TRIM61: variants seen among roughly 807,000 people sequenced by gnomAD.
The protein encoded by TRIM61 is putative tripartite motif-containing protein 61.
Under a neutral mutation model 14.2 loss-of-function variants are expected in TRIM61, and 1 was observed. The ratio of observed to expected loss-of-function variants is 0.07; its 90% CI spans 0.03 to 0.33. TRIM61 has a LOEUF of 0.33. Ranked by LOEUF, TRIM61 falls within the 10% of genes least tolerant of loss-of-function variation. The probability of loss-of-function intolerance (pLI) is 0.99; values close to 1 mark genes in which losing one functional copy is unlikely to be tolerated. For missense variants in TRIM61, 19 were observed against 202.2 expected, an observed-to-expected ratio of 0.09 and a Z score of 5.49; for synonymous variants, 8 against 71.6, an observed-to-expected ratio of 0.11 and a Z score of 4.49.
At chr4:164,975,573 T>A (rs1349843565) in intron 2 of TRIM61, among the ~76,000 whole-genome samples, 2 of 152,220 alleles carry the variant, frequency 1.3e-5, no homozygotes, top group African/African-American at 4.8e-5. Flanking sequence ...TTAAGGGATC[T>A]AGGGCTGTGC....
At chr4:164,972,045 A>T (rs1438098469) in intron 2 of TRIM61, among the ~76,000 whole-genome samples, 2 of 152,200 alleles carry the variant, frequency 1.3e-5, no homozygotes, top group Non-Finnish European at 2.9e-5. Flanking sequence ...AGCCCTAGAA[A>T]GTCACCATTT....
At chr4:164,974,655 G>A (rs1560888423) in intron 2 of TRIM61, among the ~76,000 whole-genome samples, 1 of 151,816 alleles carries the variant, frequency 6.6e-6, no homozygotes. Flanking sequence ...CAAGCTGGGT[G>A]GATCGCTTGA....
Position 164,958,269 on chromosome 4 carries a change from G to C in TRIM61, c.526-3173C>G, listed in dbSNP as rs1301709182. 4.2e-5 allele frequency: 7 copies of C among 167,156 alleles called. 1 individual carries two copies. The South Asian group carries it at 1.5e-3, about 35-fold the overall frequency. The allele number at this position is 167,156 out of a possible 1,614,324, so 10.4% of individuals were successfully genotyped here. A position where few individuals can be genotyped will look rare whatever the true frequency, so the allele number is the denominator to read the frequency against. On this transcript the variant is annotated intron_variant, in intron 3 of 4. Transcript: ENST00000329314. ...TTTGCCAAAGTAATTACACTACATA[G>C]AGTGGCAATCGTTCTATTAAAAGTA...
At chr4:164,975,611 A>C (rs59526711) in intron 2 of TRIM61, among the ~76,000 whole-genome samples, 5,260 of 152,282 alleles carry the variant, frequency 0.035, 298 homozygotes, top group African/African-American at 0.12. Flanking sequence ...CAAAATGTTT[A>C]CAAGCAGTAT....
At chr4:164,967,469 G>C (rs1732268199) in intron 3 of TRIM61, among the ~76,000 whole-genome samples, 1 of 152,158 alleles carries the variant, frequency 6.6e-6, no homozygotes, top group South Asian at 2.1e-4. Context: ...TCTGAGACTA[G>C]AGATCAGTTC....
At chr4:164,956,329 G>C (rs764390452) in intron 3 of TRIM61, among the ~76,000 whole-genome samples, 26 of 152,208 alleles carry the variant, frequency 1.7e-4, no homozygotes, top group Non-Finnish European at 2.9e-4. Context: ...GCCTACCAAA[G>C]TGCTGGGATT....
intron 3 of TRIM61, chr4:164,957,655 A>T: frequency 1.1e-6 from 1 of 892,426 alleles, no homozygotes; most frequent in African/African-American, 1.7e-5. Flanking sequence ...AAGAGATTAA[A>T]CTCTGATTTT....
rs926000425 is a variant in TRIM61 at position 164,955,015 on chromosome 4, C to T, written c.607G>A (p.Asp203Asn). Residue 203 changes from aspartate (D) to asparagine (N), a missense_variant, in exon 4 of 5, where the codon GAT (aspartate) becomes AAT (asparagine). Asp to Asn is a conservative substitution (Grantham distance 23). Coordinates refer to ENST00000329314, the MANE Select transcript of TRIM61 (RefSeq NM_001012414.3). Reference sequence around the variant, plus strand: ...ACTCAGGAGCCAGAGGCAGAAGAATCGCTTGATCCCGGGAGGCGGAGGTTG... The same window carrying T: ...ACTCAGGAGCCAGAGGCAGAAGAATTGCTTGATCCCGGGAGGCGGAGGTTG... 1.7e-5 allele frequency: 5 copies of T among 292,838 alleles called. No individual in the cohort carries two copies. The East Asian group carries it at 7.9e-4, about 46-fold the overall frequency. The allele number at this position is 292,838 out of a possible 1,614,324, so 18.1% of individuals were successfully genotyped here.
intron 3 of TRIM61, among the ~76,000 whole-genome samples, chr4:164,963,152 A>G (rs1243224602): frequency 6.6e-6 from 1 of 151,838 alleles, no homozygotes; most frequent in African/African-American, 2.4e-5. Context: ...AGGCTGAGGC[A>G]GAGAGTAGGA....
rs1037851454 is a variant in TRIM61, at chr4:164,974,600, C to T, written c.-338+2088G>A. Among the ~76,000 whole-genome samples, 26 of 151,954 alleles carry T rather than the reference C, an allele frequency of 1.7e-4. 1 individual carries two copies. The highest frequency in any genetic ancestry group is 8.8e-5 in the Non-Finnish European group (6 of 67,992). On this transcript the variant is annotated intron_variant, in intron 2 of 4. Coordinates refer to ENST00000329314, the MANE Select transcript of TRIM61 (RefSeq NM_001012414.3). Reference sequence around the variant, plus strand: ...ACTACAGAAAACATAGAATAATGGCCGGGAGTCGTGGCTTCAGGGCTGTAA... The same window carrying T: ...ACTACAGAAAACATAGAATAATGGCTGGGAGTCGTGGCTTCAGGGCTGTAA...
At chr4:164,968,416 A>G (rs557684556) in intron 3 of TRIM61, 8 of 984,670 alleles carry the variant, frequency 8.1e-6, no homozygotes, top group Non-Finnish European at 9.6e-6. Flanking sequence ...CTGACCCCAT[A>G]ATTTAATATA....
intron 3 of TRIM61, chr4:164,968,440 A>G (rs1254605761): frequency 3.0e-6 from 3 of 985,086 alleles, no homozygotes; most frequent in African/African-American, 1.7e-5. Context: ...TAGGTCCCAT[A>G]ATCACATTTT....
At chr4:164,971,953 G>A (rs1219714246) in intron 2 of TRIM61, among the ~76,000 whole-genome samples, 2 of 152,176 alleles carry the variant, frequency 1.3e-5, no homozygotes, top group Non-Finnish European at 2.9e-5. Context: ...TTTGACATGT[G>A]AAACTGGCTC....
intron 3 of TRIM61, among the ~76,000 whole-genome samples, chr4:164,955,981 CAAAGA>C (rs1447074038): frequency 6.6e-6 from 1 of 152,030 alleles, no homozygotes; most frequent in Non-Finnish European, 1.5e-5. Flanking sequence ...GGAGGCGGCT[CAAAGA>C]AAAGAGTAAG....
At chr4:164,969,248 A>G (rs1732306666) in intron 3 of TRIM61, 1 of 1,403,332 alleles carries the variant, frequency 7.1e-7, no homozygotes, top group Non-Finnish European at 9.3e-7. Context: ...GATATCCTTA[A>G]CATTTGCCAG....
chr4:164,962,389 T>TTGTGTGTGTGTGTGTGTG (rs147058101), intron 3 of TRIM61, among the ~76,000 whole-genome samples: 49 of 146,514 alleles, frequency 3.3e-4, no homozygotes, highest in African/African-American at 1.2e-3. Flanking sequence ...CCTGGCTAAT[T>TTGTGTGTGTGTGTGTGTG]TGTGTGTGTG....
intron 3 of TRIM61, chr4:164,957,158 C>T (rs186347135): frequency 6.2e-6 from 10 of 1,611,262 alleles, no homozygotes; most frequent in Middle Eastern, 1.7e-4. Context: ...CCCTAACAGA[C>T]CTTATACGCT....
intron 3 of TRIM61, chr4:164,957,077 G>A (rs1453713596): frequency 1.6e-5 from 25 of 1,542,244 alleles, no homozygotes; most frequent in Non-Finnish European, 2.2e-5. Flanking sequence ...CGGACCCAGC[G>A]CCTGGAGAGC....
At chr4:164,962,136 A>G (rs532472417) in intron 3 of TRIM61, among the ~76,000 whole-genome samples, 2 of 152,004 alleles carry the variant, frequency 1.3e-5, no homozygotes, top group African/African-American at 4.8e-5. Context: ...ATGAAGGAGG[A>G]TAAGAAGGAG....
Sources: allele counts gnomAD v4.1 joint callset (sites outside exome capture counted in the v4.1 genomes callset), GRCh38; gene constraint gnomAD v4.1.1; transcripts MANE v1.5; gene names NCBI Gene and HGNC (gene_info 2026-07-23, HGNC 2026-07-21).